Variants in ZBTB4 observed in about 807,000 individuals in gnomAD.
ZBTB4 encodes zinc finger and BTB domain containing 4.
ZBTB4 carries 14 observed loss-of-function variants against 59.8 expected under a neutral mutation model. The ratio of observed to expected loss-of-function variants is 0.23; its 90% CI spans 0.15 to 0.37. The LOEUF is 0.37. ZBTB4 is among the 10% of genes least tolerant of loss of function. The pLI is 1.00. For missense variants in ZBTB4, 1,198 were observed against 1,380.8 expected (o/e 0.87, Z 2.10); for synonymous variants, 587 against 575.2 (o/e 1.02, Z -0.29).
At chr17:7,478,626 G>A (rs1215049315) in intron 1 of ZBTB4, among the ~76,000 whole-genome samples, 1 of 152,208 alleles carries the variant, frequency 6.6e-6, no homozygotes, top group Non-Finnish European at 1.5e-5. Context: ...TTCATAAACA[G>A]GTCATAGGTG....
chr17:7,466,065 G>A lies in ZBTB4; in HGVS notation c.737C>T (p.Pro246Leu), dbSNP rs1156800755. The change falls in exon 3 of 4, where the codon CCC (proline) becomes CTC (leucine). Residue 246 changes from proline to leucine, a missense_variant. Pro to Leu is a moderately conservative substitution (Grantham distance 98). Transcript: ENST00000380599. This position sits in a 1 kb window ranked among gnomAD's most constrained non-coding sequence, Gnocchi z 9.1. ...GGCCTCATGGGTCTGCAGCCGTTTG[G>A]GATGGATGAAGCTTTTTCCACACTG... ...CPQCGKSFIH[P>L]KRLQTHEAQC... 2 of 1,607,346 alleles carry A rather than the reference G, an allele frequency of 1.2e-6. No individual in the cohort carries two copies. Among genetic ancestry groups the A allele is most frequent in the Admixed American group, 1.7e-5 (1 of 59,730 alleles).
rs1191360831 is a variant in ZBTB4, at chr17:7,479,601, TGCC to T, written c.-229_-227del. On this transcript the variant is annotated 5_prime_UTR_variant, in exon 1 of 4. Transcript: ENST00000380599. The stretch of plus-strand genomic sequence containing the variant: ...GCGCCTGGCCCCGGCCCGGCCCCGC[TGCC>T]GCCGCCGCCGCCGCCGCTGACATCA... 3.2e-4 allele frequency: 52 copies of T among 164,146 alleles called. No individual in the cohort carries two copies. Among genetic ancestry groups the T allele is most frequent in the Non-Finnish European group, 5.3e-4 (42 of 79,484 alleles). The allele number at this position is 164,146 out of a possible 1,614,324, so 10.2% of individuals were successfully genotyped here.
chr17:7,474,666 A>T (rs565929659), intron 1 of ZBTB4, among the ~76,000 whole-genome samples: 2 of 152,246 alleles, frequency 1.3e-5, no homozygotes, highest in South Asian at 4.1e-4. Context: ...GATGGAAGCC[A>T]TCGTCCACGC....
chr17:7,463,505 C>T lies in ZBTB4; in HGVS notation c.1477G>A (p.Gly493Arg). The T allele has an allele frequency of 6.4e-7, 1 of 1,557,714 alleles. No individual in the cohort carries two copies. Among genetic ancestry groups the T allele is most frequent in the Non-Finnish European group, 8.7e-7 (1 of 1,152,400 alleles). ...CCTCCTGTGCTGGCCGTCCCACTCC[C>T]CCCTCCACCACTGCTACTGCCCCCA... ...VHGGSSSGGG[G>R]SGTASTGGSQ... Residue 493 changes from glycine to arginine, a missense_variant, in exon 4 of 4, where the codon GGG (glycine) becomes AGG (arginine). Coordinates refer to ENST00000380599, the MANE Select transcript of ZBTB4 (RefSeq NM_001128833.2).
chr17:7,479,181 C>T (rs2070310328), intron 1 of ZBTB4, among the ~76,000 whole-genome samples: 1 of 151,702 alleles, frequency 6.6e-6, no homozygotes, highest in African/African-American at 2.4e-5. Flanking sequence ...AGGGAGTGAG[C>T]ACCTCCCCTT....
At chr17:7,477,143 T>C (rs2070279648) in intron 1 of ZBTB4, among the ~76,000 whole-genome samples, 1 of 152,352 alleles carries the variant, frequency 6.6e-6, no homozygotes, top group South Asian at 2.1e-4. Flanking sequence ...AGCAAGTGTG[T>C]GCTGCCATTA....
At chr17:7,480,814 T>C (rs1202268943), upstream of ZBTB4, among the ~76,000 whole-genome samples, 4 of 151,538 alleles carry the variant, frequency 2.6e-5, no homozygotes, top group East Asian at 2.0e-4. Context: ...ATAAAAAGAA[T>C]AAAAGAATCA....
intron 1 of ZBTB4, among the ~76,000 whole-genome samples, chr17:7,475,796 C>G (rs1489259801): frequency 6.6e-6 from 1 of 152,130 alleles, no homozygotes; most frequent in Non-Finnish European, 1.5e-5. Context: ...ATACCTTACT[C>G]GAGGTCGCAC....
Position 7,460,559 on chromosome 17 carries a change from G to C in ZBTB4, c.*1381C>G, listed in dbSNP as rs1188858169. The C allele has an allele frequency of 6.6e-6, 1 of 152,292 alleles. No homozygotes were observed. The highest frequency in any genetic ancestry group is 1.5e-5 in the Non-Finnish European group (1 of 68,024). 9.4% of individuals were successfully genotyped at this position (152,292 alleles called of 1,614,324 possible). ...GCTCTCCCCTTGTGAGCTATTTTTT[G>C]GGGGGAGGTGGGTGGGATGGGAAAT... is the stretch of plus-strand genomic sequence containing the variant. On this transcript the variant is annotated 3_prime_UTR_variant, in exon 4 of 4. Transcript: ENST00000380599.
At chr17:7,479,753 G>A (rs2070320204), upstream of ZBTB4, 1 of 151,548 alleles carries the variant, frequency 6.6e-6, no homozygotes, top group South Asian at 1.8e-4. Flanking sequence ...ACAAAGCTCC[G>A]AGCGCCCGAC....
chr17:7,462,474 A>T lies in ZBTB4; in HGVS notation c.2508T>A (p.Thr836=). Residue 836 remains threonine (T), a synonymous_variant, in exon 4 of 4, where the codon ACT becomes ACA. Transcript: ENST00000380599. This position sits in a 1 kb window ranked among gnomAD's most constrained non-coding sequence, Gnocchi z 7.5. ...SSSGEAGGGS[T]AAEEASETAS... ...CGGTCTCGGAAGCTTCCTCAGCAGC[A>T]GTGCTCCCGCCACCTGCCTCACCGC... 1 of 1,613,858 alleles carries T rather than the reference A, an allele frequency of 6.2e-7. No homozygotes were observed. The highest frequency in any genetic ancestry group is 8.5e-7 in the Non-Finnish European group (1 of 1,180,002).
intron 1 of ZBTB4, among the ~76,000 whole-genome samples, chr17:7,476,671 G>A (rs977055522): frequency 6.6e-6 from 1 of 152,146 alleles, no homozygotes; most frequent in African/African-American, 2.4e-5. Context: ...TGATCCACAG[G>A]ATGAGAACGA....
rs1485005256 is a variant in ZBTB4, at chr17:7,462,781, G to A, written c.2201C>T (p.Thr734Ile). The A allele has an allele frequency of 6.2e-7, 1 of 1,602,464 alleles. No homozygotes were observed. Among genetic ancestry groups the A allele is most frequent in the Non-Finnish European group, 8.5e-7 (1 of 1,179,832 alleles). ...RRHRCGDCAQ[T>I]FTTLRKLRKH... is the part of the protein sequence containing the mutation. ...CCGCAGCTTTCTCAGGGTGGTGAAG[G>A]TCTGGGCACAGTCCCCGCATCGGTG... The change falls in exon 4 of 4, where the codon ACC (threonine) becomes ATC (isoleucine). Residue 734 changes from threonine (T) to isoleucine (I), a missense_variant. Transcript: ENST00000380599. This position sits in a 1 kb window ranked among gnomAD's most constrained non-coding sequence, Gnocchi z 7.5.
At chr17:7,473,041 G>A (rs11868957) in intron 1 of ZBTB4, among the ~76,000 whole-genome samples, 1,614 of 150,178 alleles carry the variant, frequency 0.011, 32 homozygotes, top group African/African-American at 0.037. Context: ...TGCAACCTCC[G>A]CCTCCCGGGT....
In ZBTB4 at chr17:7,466,918, T is replaced by C; in HGVS notation, c.-9-108A>G. On this transcript the variant is annotated intron_variant, in intron 2 of 3. Coordinates refer to ENST00000380599, the MANE Select transcript of ZBTB4 (RefSeq NM_001128833.2). The surrounding 1 kb of genome is among the most constrained non-coding windows in gnomAD (Gnocchi z 9.1). The stretch of plus-strand genomic sequence containing the variant: ...TCAGGAGCTGCTGGTCAGAAACTAG[T>C]GGAAGGCTGAATCACTTCTGGTCAC... The C allele has an allele frequency of 4.9e-6, 7 of 1,429,528 alleles. No individual in the cohort carries two copies. The highest frequency in any genetic ancestry group is 6.4e-6 in the Non-Finnish European group (7 of 1,093,886). 88.6% of individuals were successfully genotyped at this position (1,429,528 alleles called of 1,614,324 possible).
upstream of ZBTB4, chr17:7,482,912 A>G (rs751744824): frequency 6.2e-7 from 1 of 1,612,006 alleles, no homozygotes; most frequent in Non-Finnish European, 8.5e-7. Context: ...ACCTTCTGAC[A>G]TCGTGGGGGC....
Position 7,462,387 on chromosome 17 carries a change from G to T in ZBTB4, c.2595C>A (p.Gly865=), listed in dbSNP as rs778698309. 16 of 1,613,750 alleles carry T rather than the reference G, an allele frequency of 9.9e-6. No individual in the cohort carries two copies. The South Asian group carries it at 1.6e-4, about 17-fold the overall frequency. The change falls in exon 4 of 4, where the codon GGC becomes GGA. Residue 865 remains glycine (G), a synonymous_variant. Coordinates refer to ENST00000380599, the MANE Select transcript of ZBTB4 (RefSeq NM_001128833.2). The surrounding 1 kb of genome is among the most constrained non-coding windows in gnomAD (Gnocchi z 7.5). Reference sequence around the variant, plus strand: ...CCTGCACAGGTGGGTATACATAGCTGCCCCCGCTTGCCACTACTGGGGGCT... The same window carrying T: ...CCTGCACAGGTGGGTATACATAGCTTCCCCCGCTTGCCACTACTGGGGGCT... ...GEEPPVVASG[G]SYVYPPVQEF...
intron 3 of ZBTB4, among the ~76,000 whole-genome samples, chr17:7,465,275 G>A (rs2150853408): frequency 6.6e-6 from 1 of 151,642 alleles, no homozygotes; most frequent in African/African-American, 2.4e-5. Context: ...TGACCAACAT[G>A]ATGAAACCCT....
upstream of ZBTB4, among the ~76,000 whole-genome samples, chr17:7,481,768 C>T (rs2070347897): frequency 6.6e-6 from 1 of 152,278 alleles, no homozygotes; most frequent in South Asian, 2.1e-4. Context: ...CCCAGGGAAA[C>T]GATGCTCCAG....
Sources: allele counts gnomAD v4.1 joint callset (sites outside exome capture counted in the v4.1 genomes callset), GRCh38; gene constraint gnomAD v4.1.1; non-coding constraint Gnocchi (gnomAD v3.1); transcripts MANE v1.5; gene names NCBI Gene and HGNC (gene_info 2026-07-23, HGNC 2026-07-21).